CDH18: variants seen among roughly 807,000 people sequenced by gnomAD.
CDH18 encodes cadherin 18, also known as cadherin-18.
In CDH18, 31 loss-of-function variants were observed where a neutral mutation model predicts 67.9. The observed-to-expected ratio is 0.46, with a 90% CI of 0.34 to 0.62. The LOEUF (loss-of-function observed/expected upper bound fraction) is 0.62, where lower values mean the gene tolerates loss of function less well. Among genes scored for constraint, CDH18 ranks in the 20% least tolerant of loss-of-function variants. The pLI, the probability that CDH18 is intolerant of heterozygous loss-of-function variation, is 0.01. For synonymous variants in CDH18, 362 were observed against 347.2 expected, an observed-to-expected ratio of 1.04 and a Z score of -0.48; for missense variants, 890 against 975.5, an observed-to-expected ratio of 0.91 and a Z score of 1.17.
At position 20,504,813 on chromosome 5, in the gene CDH18, G is replaced by A. The variant is rs1481493584; in HGVS notation, c.-580+70649C>T. Among the ~76,000 whole-genome samples, 3 of 138,408 alleles carry A rather than the reference G, an allele frequency of 2.2e-5. No individual in the cohort carries two copies. In the Admixed American group the frequency reaches 2.3e-4, roughly 11 times the overall value. The allele number at this position is 138,408 out of a possible 152,430, so 90.8% of individuals were successfully genotyped here. ...GACGGAGTCTCCCTTTGTCACCCAG[G>A]CTGGAGTGCAGTGGCGCTATCTCAG... is the stretch of plus-strand genomic sequence containing the variant. On this transcript the variant is annotated intron_variant, in intron 1 of 14. Coordinates refer to the CDH18 transcript ENST00000507958.
At chr5:19,543,232 C>A (rs1031114816) in intron 9 of CDH18, among the ~76,000 whole-genome samples, 6 of 151,936 alleles carry the variant, frequency 3.9e-5, no homozygotes, top group Non-Finnish European at 8.8e-5. Context: ...TCATATCTAC[C>A]TTTATGATTC....
intron 1 of CDH18, among the ~76,000 whole-genome samples, chr5:20,521,676 G>C (rs1228935923): frequency 6.6e-6 from 1 of 152,030 alleles, no homozygotes; most frequent in Non-Finnish European, 1.5e-5. Context: ...TGGCAAATGC[G>C]TTTGTAGGCT....
chr5:20,483,319 ATGT>A (rs1752944989), intron 1 of CDH18, among the ~76,000 whole-genome samples: 1 of 152,114 alleles, frequency 6.6e-6, no homozygotes, highest in Admixed American at 6.6e-5. Flanking sequence ...GGAAGAATCA[ATGT>A]TGTTAAAATT....
chr5:19,970,521 T>C (rs1411451482), intron 2 of CDH18, among the ~76,000 whole-genome samples: 1 of 151,428 alleles, frequency 6.6e-6, no homozygotes, highest in African/African-American at 2.4e-5. Flanking sequence ...TGGTATATTA[T>C]ATAGGAAACT....
intron 2 of CDH18, among the ~76,000 whole-genome samples, chr5:20,062,252 G>A (rs962970310): frequency 2.6e-5 from 4 of 151,190 alleles, no homozygotes; most frequent in Admixed American, 6.6e-5. Context: ...TGTCTCCCAG[G>A]TTCAATGATT....
chr5:19,558,911 C>T (rs866718850), intron 8 of CDH18, among the ~76,000 whole-genome samples: 8 of 151,028 alleles, frequency 5.3e-5, no homozygotes, highest in African/African-American at 1.9e-4. Flanking sequence ...CTTATGAACA[C>T]GATCTAGGAC....
At chr5:20,217,484 C>T (rs1740874254) in intron 2 of CDH18, among the ~76,000 whole-genome samples, 1 of 151,400 alleles carries the variant, frequency 6.6e-6, no homozygotes, top group African/African-American at 2.4e-5. Context: ...ATTTTCAAGC[C>T]TCATGGCAAC....
chr5:19,950,336 A>G (rs1180837136), intron 2 of CDH18, among the ~76,000 whole-genome samples: 2 of 152,084 alleles, frequency 1.3e-5, no homozygotes, highest in Non-Finnish European at 2.9e-5. Context: ...ACACAAAGGC[A>G]TAAGAATGAT....
chr5:19,886,560 T>A (rs1579432490), intron 2 of CDH18, among the ~76,000 whole-genome samples: 1 of 152,300 alleles, frequency 6.6e-6, no homozygotes, highest in Middle Eastern at 3.4e-3. Flanking sequence ...CTGTGTTTCC[T>A]CGCAATCAAT....
At chr5:20,519,723 AT>A (rs34121579) in intron 1 of CDH18, among the ~76,000 whole-genome samples, 63,342 of 149,744 alleles carry the variant, frequency 0.42, 14,470 homozygotes, top group East Asian at 0.56. Context: ...TCCAAGTGTA[AT>A]TTTTTTTTTT....
At chr5:20,504,692 G>T (rs1754546038) in intron 1 of CDH18, among the ~76,000 whole-genome samples, 1 of 148,798 alleles carries the variant, frequency 6.7e-6, no homozygotes, top group Admixed American at 6.7e-5. Flanking sequence ...TTAATAAAAA[G>T]AATGAACAGT....
chr5:19,887,365 G>A lies in CDH18; in HGVS notation c.-256-48123C>T, dbSNP rs533153885. Reference sequence around the variant, plus strand: ...ATATATATTTTATATATATGTGTGCGTTTGATATATCTCCTGTGCTTTATC... The same window carrying A: ...ATATATATTTTATATATATGTGTGCATTTGATATATCTCCTGTGCTTTATC... On this transcript the variant is annotated intron_variant, in intron 2 of 12. Coordinates refer to ENST00000382275, the MANE Select transcript of CDH18 (RefSeq NM_004934.5). Among the ~76,000 whole-genome samples, 13 of 151,918 alleles carry A rather than the reference G, an allele frequency of 8.6e-5. No individual in the cohort carries two copies. In the South Asian group the frequency reaches 1.5e-3, roughly 17 times the overall value.
intron 2 of CDH18, among the ~76,000 whole-genome samples, chr5:20,003,537 C>T (rs1736620543): frequency 6.6e-6 from 1 of 152,094 alleles, no homozygotes; most frequent in East Asian, 1.9e-4. Flanking sequence ...TTGTCTCTTC[C>T]CTGTCCTACA....
chr5:19,574,857 G>A (rs865982491), intron 7 of CDH18, among the ~76,000 whole-genome samples: 18 of 152,094 alleles, frequency 1.2e-4, no homozygotes, highest in Middle Eastern at 3.4e-3. Flanking sequence ...TGGCTAACAC[G>A]GTGACACCCT....
chr5:19,855,346 C>G (rs1784156829), intron 2 of CDH18, among the ~76,000 whole-genome samples: 1 of 151,884 alleles, frequency 6.6e-6, no homozygotes, highest in Non-Finnish European at 1.5e-5. Flanking sequence ...GATAAAATAG[C>G]CATTTATATC....
intron 1 of CDH18, among the ~76,000 whole-genome samples, chr5:20,575,255 A>T (rs192204962): frequency 2.7e-5 from 4 of 150,424 alleles, no homozygotes; most frequent in Admixed American, 2.0e-4. Context: ...TTTGAAAAAA[A>T]AATCTGTACC....
chr5:20,136,296 T>C (rs892156250), intron 2 of CDH18, among the ~76,000 whole-genome samples: 1 of 152,190 alleles, frequency 6.6e-6, no homozygotes, highest in African/African-American at 2.4e-5. Context: ...TGCATAAATA[T>C]TTAGGATAGT....
At chr5:19,979,294 T>C (rs541841121) in intron 2 of CDH18, among the ~76,000 whole-genome samples, 5 of 151,940 alleles carry the variant, frequency 3.3e-5, no homozygotes, top group Admixed American at 6.6e-5. Context: ...AATACTTTAA[T>C]TCGTATGAAC....
chr5:20,380,534 T>G (rs1188299851), intron 1 of CDH18, among the ~76,000 whole-genome samples: 2 of 152,216 alleles, frequency 1.3e-5, no homozygotes, highest in Non-Finnish European at 2.9e-5. Flanking sequence ...TGTTATGCAG[T>G]GGCCTCATTT....
Sources: gnomAD v4.1 joint callset for allele counts (sites outside exome capture counted in the v4.1 genomes callset) on GRCh38, gnomAD v4.1.1 for gene constraint, MANE v1.5 for transcripts, NCBI Gene and HGNC (gene_info 2026-07-23, HGNC 2026-07-21) for gene names.